The following KIT variants were observed in gnomAD, a reference collection of about 807,000 sequenced individuals.
KIT encodes the protein mast/stem cell growth factor receptor Kit.
KIT carries 16 observed loss-of-function variants against 105.7 expected under a neutral mutation model. The ratio of observed to expected loss-of-function variants is 0.15; its 90% CI spans 0.10 to 0.23. The LOEUF is 0.23. KIT is among the 10% of genes least tolerant of loss of function. The probability of loss-of-function intolerance (pLI) is 1.00; values close to 1 mark genes in which losing one functional copy is unlikely to be tolerated. For missense variants in KIT, 858 were observed against 1,213.8 expected, an observed-to-expected ratio of 0.71 and a Z score of 4.36; for synonymous variants, 438 against 441.1, an observed-to-expected ratio of 0.99 and a Z score of 0.09.
chr4:54,736,443 A>T, intron 17 of KIT, 55 bp from the exon 18 acceptor site: 1 of 1,277,164 alleles, frequency 7.8e-7, no homozygotes, highest in Non-Finnish European at 1.1e-6. Context: ...TCTTCTGTTC[A>T]ATTTTGTTGA....
intron 6 of KIT, among the ~76,000 whole-genome samples, chr4:54,708,672 C>T (rs1720944800): frequency 6.6e-6 from 1 of 152,118 alleles, no homozygotes; most frequent in Non-Finnish European, 1.5e-5. Context: ...GCCAGCAGCT[C>T]AGTGTGAGAG....
chr4:54,709,594 G>A (rs1017414884), intron 7 of KIT, 55 bp downstream of exon 7: 5 of 1,121,110 alleles, frequency 4.5e-6, no homozygotes, highest in African/African-American at 1.5e-5. Context: ...GTTGTGGCTC[G>A]TGTTTGTAAC....
intron 1 of KIT, among the ~76,000 whole-genome samples, chr4:54,676,649 C>G (rs1226639759): frequency 6.7e-6 from 1 of 148,656 alleles, no homozygotes; most frequent in African/African-American, 2.5e-5. Flanking sequence ...GTGTCCTACC[C>G]TGATTAAAAC....
At position 54,725,896 on chromosome 4, in the gene KIT, A is replaced by G. The variant is rs2109768407; in HGVS notation, c.1386A>G (p.Leu462=). ...ASVLPVDVQT[L]NSSGPPFGKL... ...TACTGCCAGTGGATGTGCAGACACT[A>G]AACTCATCTGGGCCACCGTTTGGAA... Residue 462 remains leucine, a synonymous_variant, in exon 9 of 21, where the codon CTA becomes CTG. Coordinates refer to ENST00000288135, the MANE Select transcript of KIT (RefSeq NM_000222.3). The G allele has an allele frequency of 6.2e-7, 1 of 1,614,140 alleles. No individual in the cohort carries two copies. The highest frequency in any genetic ancestry group is 8.5e-7 in the Non-Finnish European group (1 of 1,180,022).
chr4:54,695,031 C>T (rs10009832), intron 1 of KIT, among the ~76,000 whole-genome samples: 8,604 of 152,204 alleles, frequency 0.057, 802 homozygotes, highest in African/African-American at 0.19. Context: ...GAGAGTTATA[C>T]AGAAATAACT....
intron 1 of KIT, among the ~76,000 whole-genome samples, chr4:54,667,904 A>T (rs1415485616): frequency 6.6e-6 from 1 of 152,180 alleles, no homozygotes; most frequent in Non-Finnish European, 1.5e-5. Context: ...TCCAAGGCTA[A>T]TTCTGCTCCC....
rs2109813756 is a variant in KIT, at chr4:54,737,168, C to G, written c.2697-7C>G. Reference sequence around the variant, plus strand: ...AGGAGGGATAGTAAATGGCCCTTGTCTTGCAGGTATGACATAATGAAGACT... The same window carrying G: ...AGGAGGGATAGTAAATGGCCCTTGTGTTGCAGGTATGACATAATGAAGACT... On this transcript the variant is annotated splice_polypyrimidine_tract_variant and splice_region_variant and intron_variant, in intron 19 of 20. Coordinates refer to ENST00000288135, the MANE Select transcript of KIT (RefSeq NM_000222.3). 2 of 1,594,632 alleles carry G rather than the reference C, an allele frequency of 1.3e-6. No individual in the cohort carries two copies. The highest frequency in any genetic ancestry group is 1.7e-6 in the Non-Finnish European group (2 of 1,162,258).
At chr4:54,683,361 G>T (rs1428308297) in intron 1 of KIT, among the ~76,000 whole-genome samples, 1 of 152,046 alleles carries the variant, frequency 6.6e-6, no homozygotes, top group East Asian at 1.9e-4. Context: ...TTATGGCCGG[G>T]CGCGGTGGCT....
intron 13 of KIT, among the ~76,000 whole-genome samples, chr4:54,728,495 C>T (rs1722379835): frequency 6.6e-6 from 1 of 152,172 alleles, no homozygotes; most frequent in Non-Finnish European, 1.5e-5. Context: ...AAAACAGGCG[C>T]CTAAGCCTAC....
At chr4:54,722,771 C>T (rs1721955129) in intron 7 of KIT, among the ~76,000 whole-genome samples, 1 of 148,864 alleles carries the variant, frequency 6.7e-6, no homozygotes, top group Non-Finnish European at 1.5e-5. Flanking sequence ...CAAATTAGAG[C>T]ATTTCTGCTG....
At chr4:54,732,334 A>T (rs1722663591) in intron 16 of KIT, among the ~76,000 whole-genome samples, 1 of 152,140 alleles carries the variant, frequency 6.6e-6, no homozygotes, top group African/African-American at 2.4e-5. Context: ...TTTTATCAGT[A>T]AAAGCAGAGG....
intron 1 of KIT, among the ~76,000 whole-genome samples, chr4:54,666,789 G>A (rs189403136): frequency 1.3e-5 from 2 of 152,274 alleles, no homozygotes; most frequent in East Asian, 3.9e-4. Context: ...ATAACCAACC[G>A]TTTTTCTTTC....
At position 54,699,767 on chromosome 4, in the gene KIT, G is replaced by A. The variant is rs1301704156; in HGVS notation, c.756+1G>A. The A allele has an allele frequency of 1.2e-6, 2 of 1,613,742 alleles. No homozygotes were observed. Among genetic ancestry groups the A allele is most frequent in the Non-Finnish European group, 8.5e-7 (1 of 1,179,744 alleles). On this transcript the variant is annotated splice_donor_variant, in intron 4 of 20. Coordinates refer to ENST00000288135, the MANE Select transcript of KIT (RefSeq NM_000222.3). LOFTEE classifies it high-confidence loss of function. ...AACGTGGAAAAGAGAAAACAGTCAG[G>A]TGAGTGAATCGCTTCATTCTTCTCA... is the stretch of plus-strand genomic sequence containing the variant.
At chr4:54,679,470 A>G (rs1422669101) in intron 1 of KIT, among the ~76,000 whole-genome samples, 1 of 152,140 alleles carries the variant, frequency 6.6e-6, no homozygotes, top group Non-Finnish European at 1.5e-5. Flanking sequence ...AACCATCCCT[A>G]TGGCTATAAA....
Position 54,732,902 on chromosome 4 carries a change from C to T in KIT, c.2362-168C>T, listed in dbSNP as rs184175444. On this transcript the variant is annotated intron_variant, in intron 16 of 20. Coordinates refer to ENST00000288135, the MANE Select transcript of KIT (RefSeq NM_000222.3). ...ATTAGACTCTTGATTATGTGAACATCATTCAAGGCGTACTTTTGATTTTTA... is the reference window on the plus strand; with the variant it reads ...ATTAGACTCTTGATTATGTGAACATTATTCAAGGCGTACTTTTGATTTTTA... 1.5e-4 allele frequency among the ~76,000 whole-genome samples: 23 copies of T among 152,236 alleles called. No homozygotes were observed. The East Asian group carries it at 4.0e-3, about 27-fold the overall frequency.
chr4:54,737,332 T>A, intron 20 of KIT, 52 bp downstream of exon 20: 1 of 1,196,754 alleles, frequency 8.4e-7, no homozygotes, highest in East Asian at 2.3e-5. Context: ...GTTCCAGGTG[T>A]GTCCTCCTCC....
At chr4:54,666,554 A>C (rs1305445199) in intron 1 of KIT, among the ~76,000 whole-genome samples, 1 of 152,148 alleles carries the variant, frequency 6.6e-6, no homozygotes, top group African/African-American at 2.4e-5. Context: ...CTGGGATTAC[A>C]GGCGTGAGCC....
At chr4:54,710,301 C>G (rs1470004671) in intron 7 of KIT, among the ~76,000 whole-genome samples, 2 of 152,246 alleles carry the variant, frequency 1.3e-5, no homozygotes, top group African/African-American at 4.8e-5. Flanking sequence ...ACCATACCTG[C>G]TAGTGCAAGG....
At chr4:54,669,164 A>G (rs1332752968) in intron 1 of KIT, among the ~76,000 whole-genome samples, 1 of 152,158 alleles carries the variant, frequency 6.6e-6, no homozygotes, top group Non-Finnish European at 1.5e-5. Flanking sequence ...GGGAAATAGT[A>G]TATACGTTTT....
Sources: allele counts gnomAD v4.1 joint callset (sites outside exome capture counted in the v4.1 genomes callset), GRCh38; gene constraint gnomAD v4.1.1; transcripts MANE v1.5; gene names NCBI Gene and HGNC (gene_info 2026-07-23, HGNC 2026-07-21).